DNAH17: variants seen among roughly 807,000 people sequenced by gnomAD.
DNAH17 encodes dynein axonemal heavy chain 17, also known as axonemal beta dynein heavy chain 17.
A neutral mutation model predicts 485.6 loss-of-function variants in DNAH17; 376 were observed. The observed-to-expected ratio is 0.77, with a 90% CI of 0.71 to 0.84. The LOEUF is 0.84. Ranked by LOEUF, DNAH17 falls within the 40% of genes least tolerant of loss-of-function variation. DNAH17 has a pLI of 0.00. For synonymous variants in DNAH17, 3,031 were observed against 2,405.9 expected, an observed-to-expected ratio of 1.26 and a Z score of -7.60; for missense variants, 6,370 against 5,839.3, an observed-to-expected ratio of 1.09 and a Z score of -2.96.
intron 79 of DNAH17, among the ~76,000 whole-genome samples, chr17:78,425,967 T>C (rs2086438629): frequency 6.6e-6 from 1 of 152,130 alleles, no homozygotes; most frequent in African/African-American, 2.4e-5. Flanking sequence ...TTCGCCATGT[T>C]GGCCAGGCTG....
Position 78,572,721 on chromosome 17 carries a change from G to C in DNAH17, c.519C>G (p.Gly173=), listed in dbSNP as rs376935341. ...PIPEHLGSLD[G]TLESMERIPS... ...CACACCTCTCCATGGACTCCAGCGT[G>C]CCATCCAGGCTGCCCAGGTGCTCCG... The change falls in exon 3 of 81, where the codon GGC becomes GGG. Residue 173 remains glycine (G), a synonymous_variant. Coordinates refer to ENST00000389840, the MANE Select transcript of DNAH17 (RefSeq NM_173628.4). The C allele has an allele frequency of 4.4e-5, 71 of 1,608,862 alleles. No homozygotes were observed. In the African/African-American group the frequency reaches 9.2e-4, roughly 21 times the overall value.
chr17:78,465,430 A>C (rs2088378282), intron 56 of DNAH17, among the ~76,000 whole-genome samples: 1 of 123,842 alleles, frequency 8.1e-6, no homozygotes, highest in African/African-American at 3.1e-5. Flanking sequence ...CTGGCTGCCC[A>C]GTCTGGAAAG....
chr17:78,551,739 G>T, intron 15 of DNAH17, 101 bp from the exon 16 acceptor site: 1 of 1,100,194 alleles, frequency 9.1e-7, no homozygotes, highest in South Asian at 1.3e-5. Context: ...CAGGGCAGGC[G>T]AATCACGAGG....
intron 14 of DNAH17, among the ~76,000 whole-genome samples, chr17:78,555,543 C>CCAAAAA (rs1555693737): frequency 2.6e-4 from 20 of 77,718 alleles, no homozygotes; most frequent in African/African-American, 1.1e-3. Context: ...GATTCCGTCA[C>CCAAAAA]AAAAAAAAAA....
At chr17:78,503,998 A>AC (rs1226679195) in intron 31 of DNAH17, among the ~76,000 whole-genome samples, 2 of 90,346 alleles carry the variant, frequency 2.2e-5, no homozygotes, top group African/African-American at 9.6e-5. Flanking sequence ...AAACAAATGA[A>AC]CAAAAAAAAA....
At chr17:78,539,530 G>A (rs370697164) in intron 18 of DNAH17, among the ~76,000 whole-genome samples, 3 of 152,152 alleles carry the variant, frequency 2.0e-5, no homozygotes, top group South Asian at 2.1e-4. Flanking sequence ...GATTTAAAGT[G>A]ACCAGTGGTC....
At chr17:78,462,512 T>C (rs1192682924) in intron 57 of DNAH17, among the ~76,000 whole-genome samples, 1 of 152,136 alleles carries the variant, frequency 6.6e-6, no homozygotes, top group African/African-American at 2.4e-5. Flanking sequence ...ATGGTATGAA[T>C]GGTATTTACG....
intron 11 of DNAH17, among the ~76,000 whole-genome samples, chr17:78,565,829 A>G (rs2143687402): frequency 6.6e-6 from 1 of 152,200 alleles, no homozygotes; most frequent in South Asian, 2.1e-4. Flanking sequence ...GTATGCCTAT[A>G]ATTCCAGCTA....
At chr17:78,539,218 G>A (rs949864734) in intron 18 of DNAH17, among the ~76,000 whole-genome samples, 1 of 151,736 alleles carries the variant, frequency 6.6e-6, no homozygotes, top group African/African-American at 2.4e-5. Context: ...CAACAGAGCG[G>A]GACTCTGTCT....
At chr17:78,472,515 C>T (rs1441286013) in intron 54 of DNAH17, 3 of 276,992 alleles carry the variant, frequency 1.1e-5, no homozygotes, top group African/African-American at 2.4e-5. Flanking sequence ...CACGGCCCCT[C>T]ATTCTGCTGA....
At chr17:78,574,488 G>A (rs1359409917) in intron 2 of DNAH17, among the ~76,000 whole-genome samples, 3 of 151,506 alleles carry the variant, frequency 2.0e-5, no homozygotes, top group Admixed American at 1.3e-4. Context: ...GGGAAGCAGA[G>A]TGAGACCCTG....
rs1416000537 is a variant in DNAH17 at position 78,490,774 on chromosome 17, A to AG, written c.6742dup (p.Leu2248ProfsTer49). 1 of 1,605,556 alleles carries AG rather than the reference A, an allele frequency of 6.2e-7. No homozygotes were observed. Among genetic ancestry groups the AG allele is most frequent in the Admixed American group, 1.7e-5 (1 of 58,830 alleles). ...AACGGTGGCTGGGGTGGCCGTCCTCAGGTGGCTGATTTCGAACACCAGCCT... is the reference window on the plus strand; with the variant it reads ...AACGGTGGCTGGGGTGGCCGTCCTCAGGGTGGCTGATTTCGAACACCAGCCT... On this transcript the variant is annotated frameshift_variant, in exon 44 of 81. Coordinates refer to ENST00000389840, the MANE Select transcript of DNAH17 (RefSeq NM_173628.4). LOFTEE classifies it high-confidence loss of function.
At chr17:78,462,540 G>A (rs2088187662) in intron 57 of DNAH17, among the ~76,000 whole-genome samples, 1 of 152,192 alleles carries the variant, frequency 6.6e-6, no homozygotes, top group African/African-American at 2.4e-5. Context: ...AAATGCATTT[G>A]TATTGACTGC....
In DNAH17 at chr17:78,439,665, CT is replaced by C. The variant is rs11399691; in HGVS notation, c.11678-449del. ...CGTTGTAGCATGTATCAGTACTTCA[CT>C]TTTTTTTTTTTTTTTTTTTTTGAGA... is the stretch of plus-strand genomic sequence containing the variant. On this transcript the variant is annotated intron_variant, in intron 72 of 80. Coordinates refer to ENST00000389840, the MANE Select transcript of DNAH17 (RefSeq NM_173628.4). Among the ~76,000 whole-genome samples, 430 of 92,190 alleles carry C rather than the reference CT, an allele frequency of 4.7e-3. 2 individuals are homozygous for C. Among genetic ancestry groups the C allele is most frequent in the African/African-American group, 0.016 (380 of 24,038 alleles). The allele number at this position is 92,190 out of a possible 152,430, so 60.5% of individuals were successfully genotyped here. A position where few individuals can be genotyped will look rare whatever the true frequency, so the allele number is the denominator to read the frequency against.
At chr17:78,455,570 G>T (rs112562857) in intron 63 of DNAH17, 74 bp downstream of exon 63, 28 of 1,194,564 alleles carry the variant, frequency 2.3e-5, no homozygotes, top group African/African-American at 3.2e-5. Context: ...CAAGTAATCC[G>T]CCCGCCTCGG....
rs532237994 is a variant in DNAH17 at position 78,435,988 on chromosome 17, T to A, written c.12033+1653A>T. Reference sequence around the variant, plus strand: ...ACTTTCACACTTTGACAAGGGTGTGTCCTTTAAAAGCTGGTTGGGAATTGT... The same window carrying A: ...ACTTTCACACTTTGACAAGGGTGTGACCTTTAAAAGCTGGTTGGGAATTGT... On this transcript the variant is annotated intron_variant, in intron 74 of 80. Coordinates refer to ENST00000389840, the MANE Select transcript of DNAH17 (RefSeq NM_173628.4). 2.2e-3 allele frequency among the ~76,000 whole-genome samples: 339 copies of A among 152,344 alleles called. 2 individuals carry two copies. The highest frequency in any genetic ancestry group is 3.8e-3 in the Non-Finnish European group (260 of 68,028).
chr17:78,535,067 G>A (rs1019729183), intron 19 of DNAH17, among the ~76,000 whole-genome samples: 4 of 152,154 alleles, frequency 2.6e-5, no homozygotes, highest in African/African-American at 4.8e-5. Flanking sequence ...TGGGCAACAG[G>A]CCCTTCAGCT....
intron 65 of DNAH17, 135 bp downstream of exon 65, chr17:78,453,208 G>C: frequency 8.3e-7 from 1 of 1,201,858 alleles, no homozygotes; most frequent in Non-Finnish European, 1.2e-6. Context: ...CCCACCAGCA[G>C]GCACTTTGTC....
At chr17:78,526,509 T>C (rs1472229317) in intron 24 of DNAH17, 142 bp downstream of exon 24, 2 of 664,842 alleles carry the variant, frequency 3.0e-6, no homozygotes, top group Non-Finnish European at 5.0e-6. Context: ...TGTGCATGCA[T>C]ACACATAAGA....
Sources: gnomAD v4.1 joint callset for allele counts (sites outside exome capture counted in the v4.1 genomes callset) on GRCh38, gnomAD v4.1.1 for gene constraint, MANE v1.5 for transcripts, NCBI Gene and HGNC (gene_info 2026-07-23, HGNC 2026-07-21) for gene names.